The following CNTN4 variants were observed in gnomAD, a reference collection of about 807,000 sequenced individuals.
The protein encoded by CNTN4 is contactin 4.
CNTN4 carries 77 observed loss-of-function variants against 122.5 expected under a neutral mutation model. The ratio of observed to expected loss-of-function variants is 0.63; its 90% CI spans 0.52 to 0.76. The LOEUF (loss-of-function observed/expected upper bound fraction) is 0.76, where lower values mean the gene tolerates loss of function less well. CNTN4 is among the 30% of genes least tolerant of loss of function. CNTN4 has a pLI of 0.00. For missense variants in CNTN4, 1,256 were observed against 1,259.1 expected, an observed-to-expected ratio of 1.00 and a Z score of 0.04; for synonymous variants, 512 against 447.0, an observed-to-expected ratio of 1.15 and a Z score of -1.83.
chr3:2,324,829 C>T (rs1472528463), intron 2 of CNTN4, among the ~76,000 whole-genome samples: 3 of 152,070 alleles, frequency 2.0e-5, no homozygotes, highest in Admixed American at 6.6e-5. Flanking sequence ...CCCAACTTTC[C>T]AACCTCGCAA....
chr3:2,868,211 A>G (rs781598797), intron 8 of CNTN4, among the ~76,000 whole-genome samples: 1 of 152,330 alleles, frequency 6.6e-6, no homozygotes, highest in African/African-American at 2.4e-5. Flanking sequence ...TATGTGAATT[A>G]TCTCATTTAA....
At position 3,026,162 on chromosome 3, in the gene CNTN4, T is replaced by A; in HGVS notation, c.1547T>A (p.Val516Asp). 1.2e-6 allele frequency: 2 copies of A among 1,613,416 alleles called. No homozygotes were observed. The highest frequency in any genetic ancestry group is 1.7e-6 in the Non-Finnish European group (2 of 1,179,504). ...GATGTCACTGTTGGAGAGAGTATTGTTTTACCGTGCCAGGTAACGCATGAT... is the reference window on the plus strand; with the variant it reads ...GATGTCACTGTTGGAGAGAGTATTGATTTACCGTGCCAGGTAACGCATGAT... Reference protein sequence around the residue: ...SMDVTVGESIVLPCQVTHDHS... With the variant: ...SMDVTVGESIDLPCQVTHDHS... Residue 516 changes from valine (V) to aspartate (D), a missense_variant, in exon 15 of 25, where the codon GTT becomes GAT. Physicochemically the swap from Val to Asp is radical, Grantham distance 152. Coordinates refer to ENST00000418658, the MANE Select transcript of CNTN4 (RefSeq NM_175607.3).
intron 23 of CNTN4, among the ~76,000 whole-genome samples, chr3:3,051,714 G>A (rs1014164717): frequency 1.3e-5 from 2 of 152,184 alleles, no homozygotes; most frequent in Non-Finnish European, 1.5e-5. Context: ...AGGAAATTGT[G>A]TTTTCCACCT....
chr3:2,625,464 C>T (rs893663089), intron 4 of CNTN4, among the ~76,000 whole-genome samples: 1 of 152,192 alleles, frequency 6.6e-6, no homozygotes, highest in Non-Finnish European at 1.5e-5. Context: ...CCAGAATGCT[C>T]CTCTGTGATA....
intron 2 of CNTN4, among the ~76,000 whole-genome samples, chr3:2,103,491 C>G (rs1342249117): frequency 6.6e-6 from 1 of 152,166 alleles, no homozygotes; most frequent in Non-Finnish European, 1.5e-5. Flanking sequence ...TAACCTTCCT[C>G]TGAAGATTCT....
chr3:2,574,133 C>T (rs963909585), intron 4 of CNTN4, among the ~76,000 whole-genome samples: 3 of 152,130 alleles, frequency 2.0e-5, no homozygotes, highest in African/African-American at 7.2e-5. Flanking sequence ...GGAGAATCGC[C>T]TGAACCTGGG....
chr3:2,588,882 G>T (rs535486332), intron 4 of CNTN4, among the ~76,000 whole-genome samples: 3 of 150,920 alleles, frequency 2.0e-5, no homozygotes, highest in African/African-American at 7.3e-5. Flanking sequence ...TTTTGTGTGT[G>T]ATCAGTTTTT....
At chr3:3,048,307 A>G (rs970333120) in intron 23 of CNTN4, among the ~76,000 whole-genome samples, 1 of 152,198 alleles carries the variant, frequency 6.6e-6, no homozygotes, top group African/African-American at 2.4e-5. Context: ...CTATTTACAT[A>G]CCATTTACAT....
chr3:2,295,529 GT>G (rs1442036340), intron 2 of CNTN4, among the ~76,000 whole-genome samples: 1 of 151,680 alleles, frequency 6.6e-6, no homozygotes, highest in Non-Finnish European at 1.5e-5. Context: ...GGGGTTGTTT[GT>G]TTTTTTCTTG....
chr3:2,984,952 AGG>A (rs1694411332), intron 13 of CNTN4, among the ~76,000 whole-genome samples: 2 of 152,208 alleles, frequency 1.3e-5, no homozygotes, highest in African/African-American at 4.8e-5. Flanking sequence ...GTTATTATTG[AGG>A]TAATTAAGAT....
At chr3:2,203,106 T>C (rs534495572) in intron 2 of CNTN4, among the ~76,000 whole-genome samples, 1 of 152,188 alleles carries the variant, frequency 6.6e-6, no homozygotes, top group South Asian at 2.1e-4. Flanking sequence ...AGTGCTGGGA[T>C]TACAGGCGTG....
intron 3 of CNTN4, among the ~76,000 whole-genome samples, chr3:2,419,134 T>G (rs1256753750): frequency 2.0e-5 from 3 of 152,184 alleles, no homozygotes; most frequent in African/African-American, 7.2e-5. Flanking sequence ...AGAGAAAATA[T>G]AAGTGGCTTT....
intron 7 of CNTN4, among the ~76,000 whole-genome samples, chr3:2,846,732 G>C (rs1349837764): frequency 6.6e-6 from 1 of 152,184 alleles, no homozygotes; most frequent in Non-Finnish European, 1.5e-5. Flanking sequence ...GTTTATGCCA[G>C]TTTTACTTAG....
At chr3:2,463,682 C>T in intron 3 of CNTN4, among the ~76,000 whole-genome samples, 1 of 152,154 alleles carries the variant, frequency 6.6e-6, no homozygotes, top group East Asian at 1.9e-4. Flanking sequence ...TTGGTTGAAC[C>T]TTGGGGATGA....
chr3:2,099,436 C>T (rs979462658), intron 1 of CNTN4: 4 of 152,604 alleles, frequency 2.6e-5, no homozygotes, highest in African/African-American at 7.2e-5. Context: ...CGGGGCTTTT[C>T]TTCTGACAGC....
At chr3:2,146,870 G>A (rs1319236555) in intron 2 of CNTN4, among the ~76,000 whole-genome samples, 1 of 151,950 alleles carries the variant, frequency 6.6e-6, no homozygotes, top group Non-Finnish European at 1.5e-5. Context: ...TCATTCCATA[G>A]TTTTTTGTTG....
chr3:2,747,657 G>A (rs956827075), intron 6 of CNTN4, among the ~76,000 whole-genome samples: 4 of 152,248 alleles, frequency 2.6e-5, no homozygotes, highest in African/African-American at 9.6e-5. Context: ...CTACCACTCA[G>A]TTCGTGGTGG....
chr3:3,055,941 C>T (rs1482067313), intron 24 of CNTN4, among the ~76,000 whole-genome samples, 179 bp from the exon 25 acceptor site: 1 of 152,180 alleles, frequency 6.6e-6, no homozygotes, highest in Non-Finnish European at 1.5e-5. Context: ...CTGTCCTATA[C>T]CCTACTCCCA....
chr3:2,287,730 GA>G lies in CNTN4; in HGVS notation c.-144-51446del, dbSNP rs1439643496. ...AGAAGAGGAAGAAGAAGAAGAAGAA[GA>G]AGAAGAAGAAGAAGAAGAAGAAGAA... On this transcript the variant is annotated intron_variant, in intron 2 of 24. Coordinates refer to ENST00000418658, the MANE Select transcript of CNTN4 (RefSeq NM_175607.3). 1.7e-3 allele frequency among the ~76,000 whole-genome samples: 181 copies of G among 104,496 alleles called. 2 individuals carry two copies. The highest frequency in any genetic ancestry group is 5.3e-3 in the African/African-American group (153 of 28,600). The allele number at this position is 104,496 out of a possible 152,430, so 68.6% of individuals were successfully genotyped here. A position where few individuals can be genotyped will look rare whatever the true frequency, so the allele number is the denominator to read the frequency against.
Sources: gnomAD v4.1 joint callset for allele counts (sites outside exome capture counted in the v4.1 genomes callset) on GRCh38, gnomAD v4.1.1 for gene constraint, MANE v1.5 for transcripts, NCBI Gene and HGNC (gene_info 2026-07-23, HGNC 2026-07-21) for gene names.